CENPW: variants seen among roughly 807,000 people sequenced by gnomAD.
The protein encoded by CENPW is centromere protein W.
In CENPW, 3 loss-of-function variants were observed where a neutral mutation model predicts 11.1. The ratio of observed to expected loss-of-function variants is 0.27; its 90% CI spans 0.12 to 0.70. CENPW has a LOEUF of 0.70. Ranked by LOEUF, CENPW falls within the 30% of genes least tolerant of loss-of-function variation. CENPW has a pLI of 0.77. For missense variants in CENPW, 100 were observed against 105.6 expected, an observed-to-expected ratio of 0.95 and a Z score of 0.23; for synonymous variants, 38 against 42.0, an observed-to-expected ratio of 0.91 and a Z score of 0.37.
the CENPW span, among the ~76,000 whole-genome samples, chr6:126,364,589 T>C: frequency 2.6e-5 from 4 of 152,190 alleles, no homozygotes; most frequent in African/African-American, 9.6e-5. Context: ...TATAAGCACA[T>C]AACCCTCCAT....
the CENPW span, among the ~76,000 whole-genome samples, chr6:126,403,443 T>C: frequency 9.9e-5 from 15 of 152,172 alleles, no homozygotes; most frequent in Middle Eastern, 3.4e-3. Context: ...AAAACAGCCA[T>C]ATTGCTGATA....
At chr6:126,352,484 C>T (rs1780502808), downstream of CENPW, among the ~76,000 whole-genome samples, 1 of 152,076 alleles carries the variant, frequency 6.6e-6, no homozygotes, top group African/African-American at 2.4e-5. Flanking sequence ...ACCAGTAAAA[C>T]AACTATTTAC....
At chr6:126,469,730 T>G in the CENPW span, among the ~76,000 whole-genome samples, 5 of 152,158 alleles carry the variant, frequency 3.3e-5, no homozygotes, top group Admixed American at 3.3e-4. Context: ...ATAAGAAACT[T>G]CTTGGGAACT....
chr6:126,346,285 C>G lies in CENPW; in HGVS notation c.207C>G (p.Val69=). 1 of 1,607,542 alleles carries G rather than the reference C, an allele frequency of 6.2e-7. No homozygotes were observed. The highest frequency in any genetic ancestry group is 8.5e-7 in the Non-Finnish European group (1 of 1,175,130). ...ACGCTTGTGCGAGTAAATGTAGAGT[C>G]ATTAACAAGGAGCATGTACTGGCCG... The part of the protein sequence containing the change: ...RTNACASKCR[V]INKEHVLAAA... Residue 69 remains valine, a synonymous_variant, in exon 2 of 3, where the codon GTC becomes GTG. Transcript: ENST00000368328.
At chr6:126,448,519 T>C in the CENPW span, among the ~76,000 whole-genome samples, 1 of 151,130 alleles carries the variant, frequency 6.6e-6, no homozygotes, top group African/African-American at 2.4e-5. Flanking sequence ...GCTTGATGTT[T>C]CTTGAAACAT....
At chr6:126,349,908 T>C (rs1227602685), downstream of CENPW, among the ~76,000 whole-genome samples, 1 of 152,094 alleles carries the variant, frequency 6.6e-6, no homozygotes, top group East Asian at 1.9e-4. Context: ...TGGAGTGCAG[T>C]GGTGTGATCA....
At chr6:126,389,384 G>A in the CENPW span, among the ~76,000 whole-genome samples, 2 of 151,782 alleles carry the variant, frequency 1.3e-5, no homozygotes, top group Admixed American at 6.6e-5. Context: ...CTTCCTTTAG[G>A]AAATGAGGCA....
chr6:126,346,369 A>T, intron 2 of CENPW, 51 bp downstream of exon 2: 1 of 1,108,512 alleles, frequency 9.0e-7, no homozygotes, highest in East Asian at 2.5e-5. Flanking sequence ...CAAAAATAAC[A>T]CTCGGTTCAT....
chr6:126,427,050 C>T, the CENPW span, among the ~76,000 whole-genome samples: 2 of 152,092 alleles, frequency 1.3e-5, no homozygotes, highest in African/African-American at 4.8e-5. Flanking sequence ...ATCCTTTTTG[C>T]ACATTTCCAA....
At chr6:126,416,196 G>A in the CENPW span, among the ~76,000 whole-genome samples, 7 of 152,200 alleles carry the variant, frequency 4.6e-5, no homozygotes, top group Non-Finnish European at 8.8e-5. Flanking sequence ...GAGACTGGCA[G>A]CATTTTGCCT....
At chr6:126,352,216 A>G (rs556225450), downstream of CENPW, among the ~76,000 whole-genome samples, 19 of 152,230 alleles carry the variant, frequency 1.2e-4, no homozygotes, top group African/African-American at 4.6e-4. Flanking sequence ...AACTTAGGGT[A>G]GTGTTGAGTT....
At chr6:126,350,423 A>AT (rs1187450111), downstream of CENPW, among the ~76,000 whole-genome samples, 2 of 152,110 alleles carry the variant, frequency 1.3e-5, no homozygotes, top group Non-Finnish European at 2.9e-5. Flanking sequence ...GGAGGAAAAA[A>AT]GGCCAGAGAG....
chr6:126,437,921 G>A, the CENPW span, among the ~76,000 whole-genome samples: 2 of 151,628 alleles, frequency 1.3e-5, no homozygotes, highest in East Asian at 1.9e-4. Context: ...GCCGTATAGC[G>A]CTGGAGTATA....
chr6:126,390,225 C>T, the CENPW span, among the ~76,000 whole-genome samples: 1 of 151,934 alleles, frequency 6.6e-6, no homozygotes, highest in South Asian at 2.1e-4. Context: ...TCCTGGACTA[C>T]TGCAATAGCT....
chr6:126,366,762 C>T, the CENPW span, among the ~76,000 whole-genome samples: 1 of 152,054 alleles, frequency 6.6e-6, no homozygotes, highest in Non-Finnish European at 1.5e-5. Flanking sequence ...TGCAGAATAC[C>T]TGAGATTGGA....
intron 1 of CENPW, among the ~76,000 whole-genome samples, chr6:126,341,269 C>T (rs779970046): frequency 8.5e-5 from 13 of 152,162 alleles, no homozygotes; most frequent in Non-Finnish European, 1.9e-4. Flanking sequence ...TTGTCCTTGG[C>T]TCTTTGAGTA....
At chr6:126,384,659 CTA>C in the CENPW span, among the ~76,000 whole-genome samples, 3 of 152,062 alleles carry the variant, frequency 2.0e-5, no homozygotes, top group Non-Finnish European at 4.4e-5. Flanking sequence ...AAACTCAAAA[CTA>C]TAAAAACCCT....
the CENPW span, among the ~76,000 whole-genome samples, chr6:126,409,556 A>G: frequency 6.6e-6 from 1 of 152,032 alleles, no homozygotes; most frequent in Non-Finnish European, 1.5e-5. Context: ...CTTCCTTTAT[A>G]TGTAATAATA....
the CENPW span, among the ~76,000 whole-genome samples, chr6:126,429,844 A>G: frequency 6.6e-6 from 1 of 152,228 alleles, no homozygotes; most frequent in Non-Finnish European, 1.5e-5. Flanking sequence ...ATTGAGAACA[A>G]AAAGTCCTGA....
Sources: allele counts gnomAD v4.1 joint callset (sites outside exome capture counted in the v4.1 genomes callset), GRCh38; gene constraint gnomAD v4.1.1; transcripts MANE v1.5; gene names NCBI Gene and HGNC (gene_info 2026-07-23, HGNC 2026-07-21).